Variants in LRBA observed in about 807,000 individuals in gnomAD.
The protein encoded by LRBA is lipopolysaccharide-responsive and beige-like anchor protein.
In LRBA, 176 loss-of-function variants were observed where a neutral mutation model predicts 330.0. That is an observed-to-expected ratio of 0.53 (90% CI 0.47 to 0.60). The LOEUF is 0.60. Among genes scored for constraint, LRBA ranks in the 20% least tolerant of loss-of-function variants. LRBA has a pLI of 0.00. For missense variants in LRBA, 3,259 were observed against 3,444.8 expected (o/e 0.95, Z 1.35); for synonymous variants, 1,230 against 1,193.0 (o/e 1.03, Z -0.64).
chr4:150,718,247 T>C (rs984462049), intron 36 of LRBA, among the ~76,000 whole-genome samples: 19 of 148,820 alleles, frequency 1.3e-4, no homozygotes, highest in Non-Finnish European at 2.4e-4. Flanking sequence ...ATGAACTAAA[T>C]AGATGCACAT....
intron 2 of LRBA, among the ~76,000 whole-genome samples, chr4:150,942,652 T>C (rs1181950085): frequency 6.6e-6 from 1 of 152,162 alleles, no homozygotes; most frequent in East Asian, 1.9e-4. Flanking sequence ...AGCAATATTA[T>C]CAACAAACTC....
At chr4:150,778,057 T>C (rs1203875587) in intron 34 of LRBA, among the ~76,000 whole-genome samples, 2 of 151,256 alleles carry the variant, frequency 1.3e-5, no homozygotes, top group Non-Finnish European at 2.9e-5. Flanking sequence ...AAGTAAACTA[T>C]CATTAACTTT....
intron 2 of LRBA, among the ~76,000 whole-genome samples, chr4:150,931,882 A>C (rs1208579211): frequency 6.6e-6 from 1 of 152,176 alleles, no homozygotes; most frequent in African/African-American, 2.4e-5. Context: ...GTAAAACTGA[A>C]GTCATAAAAT....
chr4:150,303,704 G>A (rs976393001), intron 52 of LRBA, among the ~76,000 whole-genome samples: 1 of 152,110 alleles, frequency 6.6e-6, no homozygotes, highest in South Asian at 2.1e-4. Flanking sequence ...CCAGGTAGCT[G>A]GGACTACAGG....
chr4:150,637,246 A>G (rs939423087), intron 37 of LRBA, among the ~76,000 whole-genome samples: 10 of 152,134 alleles, frequency 6.6e-5, no homozygotes, highest in Admixed American at 3.3e-4. Flanking sequence ...TTGCCACAAA[A>G]AACTGGGGTT....
At chr4:150,784,531 C>A (rs1426585672) in intron 34 of LRBA, among the ~76,000 whole-genome samples, 7 of 152,164 alleles carry the variant, frequency 4.6e-5, no homozygotes, top group Non-Finnish European at 2.9e-5. Context: ...GTGGGAGGCC[C>A]AGCCTTTTTG....
chr4:150,648,158 CAAAAA>C, intron 37 of LRBA, among the ~76,000 whole-genome samples: 239 of 18,122 alleles, frequency 0.013, 23 homozygotes, highest in East Asian at 0.074. Flanking sequence ...ACACAAGTAG[CAAAAA>C]AAAAAAAAAA....
intron 3 of LRBA, 84 bp from the exon 4 acceptor site, chr4:150,928,700 T>C: frequency 7.7e-7 from 1 of 1,299,630 alleles, no homozygotes; most frequent in Admixed American, 2.0e-5. Context: ...TTTAAGGGCT[T>C]GGACACTAAA....
Position 150,871,427 on chromosome 4 carries a change from T to C in LRBA, c.2285A>G (p.His762Arg), listed in dbSNP as rs372154550. The C allele has an allele frequency of 1.2e-5, 19 of 1,610,774 alleles. No homozygotes were observed. The South Asian group carries it at 1.2e-4, about 10-fold the overall frequency. Residue 762 changes from histidine to arginine, a missense_variant, in exon 19 of 57, where the codon CAT becomes CGT. Physicochemically the swap from His to Arg is conservative, Grantham distance 29. Coordinates refer to ENST00000651943, the MANE Select transcript of LRBA (RefSeq NM_001364905.1). ...TTCAGCTAGCAATGAAAACAATCCA[T>C]GTCCAAGCATGACTTCTGCTTTCCT... ...PKRKAEVMLGHGLFSLLAERL... is the reference protein window; with the variant it reads ...PKRKAEVMLGRGLFSLLAERL...
chr4:150,424,106 G>A (rs1291125446), intron 46 of LRBA, among the ~76,000 whole-genome samples: 1 of 152,188 alleles, frequency 6.6e-6, no homozygotes, highest in Non-Finnish European at 1.5e-5. Context: ...GACTTTACAT[G>A]TGAATTTAAA....
chr4:150,658,003 G>C (rs1488157122), intron 37 of LRBA, among the ~76,000 whole-genome samples: 1 of 152,026 alleles, frequency 6.6e-6, no homozygotes, highest in Non-Finnish European at 1.5e-5. Context: ...AGAAATAAAT[G>C]ACCCACTTGC....
At chr4:150,449,178 T>C (rs1753038148) in intron 44 of LRBA, among the ~76,000 whole-genome samples, 3 of 152,012 alleles carry the variant, frequency 2.0e-5, no homozygotes, top group Non-Finnish European at 2.9e-5. Context: ...CGAGCAAAAC[T>C]AATCTACCGC....
rs531803972 is a variant in LRBA, at chr4:150,626,199, G to C, written c.5922-27068C>G. Among the ~76,000 whole-genome samples the C allele has an allele frequency of 3.3e-5, 5 of 152,128 alleles. 1 individual carries two copies. Among genetic ancestry groups the C allele is most frequent in the Middle Eastern group, 6.8e-3 (2 of 294 alleles). ...TCACTCTGTAGTATGAACTGACCTG[G>C]CTTAACATGATGCCCAGGGATCCTT... On this transcript the variant is annotated intron_variant, in intron 37 of 56. Transcript: ENST00000651943.
chr4:150,947,350 T>C (rs28861118), intron 2 of LRBA, among the ~76,000 whole-genome samples: 8,037 of 152,032 alleles, frequency 0.053, 316 homozygotes, highest in East Asian at 0.19. Flanking sequence ...AAGTAGATTT[T>C]ATTCCAGGAA....
intron 40 of LRBA, among the ~76,000 whole-genome samples, chr4:150,526,549 C>T (rs1763497165): frequency 6.6e-6 from 1 of 152,084 alleles, no homozygotes; most frequent in South Asian, 2.1e-4. Flanking sequence ...GCCATTCTCT[C>T]TTCACTTTCT....
At chr4:150,440,330 T>G (rs925395758) in intron 44 of LRBA, among the ~76,000 whole-genome samples, 1 of 151,944 alleles carries the variant, frequency 6.6e-6, no homozygotes, top group African/African-American at 2.4e-5. Flanking sequence ...TACAAAAAGC[T>G]AACAAATAAA....
At chr4:150,826,718 A>G (rs1746338940) in intron 30 of LRBA, among the ~76,000 whole-genome samples, 1 of 152,086 alleles carries the variant, frequency 6.6e-6, no homozygotes, top group African/African-American at 2.4e-5. Flanking sequence ...AACTGCCCTC[A>G]AACGCAACTT....
intron 56 of LRBA, among the ~76,000 whole-genome samples, chr4:150,266,030 C>CT (rs1745273747): frequency 6.6e-6 from 1 of 151,790 alleles, no homozygotes; most frequent in South Asian, 2.1e-4. Context: ...CCACAGCTTG[C>CT]TTTTTCATTG....
chr4:150,901,722 T>G (rs1304764479), intron 13 of LRBA, among the ~76,000 whole-genome samples: 1 of 152,224 alleles, frequency 6.6e-6, no homozygotes, highest in Non-Finnish European at 1.5e-5. Flanking sequence ...TCTGAACCAC[T>G]TAAAAGCAGG....
Sources: gnomAD v4.1 joint callset for allele counts (sites outside exome capture counted in the v4.1 genomes callset) on GRCh38, gnomAD v4.1.1 for gene constraint, MANE v1.5 for transcripts, NCBI Gene and HGNC (gene_info 2026-07-23, HGNC 2026-07-21) for gene names.